KITLG: variants seen among roughly 807,000 people sequenced by gnomAD.
The protein encoded by KITLG is c-Kit ligand.
KITLG carries 13 observed loss-of-function variants against 34.1 expected under a neutral mutation model. That is an observed-to-expected ratio of 0.38 (90% CI 0.25 to 0.61). KITLG has a LOEUF of 0.61. Ranked by LOEUF, KITLG falls within the 20% of genes least tolerant of loss-of-function variation. The probability of loss-of-function intolerance (pLI) is 0.60; values close to 1 mark genes in which losing one functional copy is unlikely to be tolerated. For synonymous variants in KITLG, 110 were observed against 104.0 expected, an observed-to-expected ratio of 1.06 and a Z score of -0.35; for missense variants, 292 against 318.9, an observed-to-expected ratio of 0.92 and a Z score of 0.64.
chr12:88,518,799 C>G lies in KITLG; in HGVS notation c.261G>C (p.Lys87Asn). ...TCAAGCCTTCAGAAATATTTGAAAA[C>G]TTGTCCAGAAGATCAGTCAAGCTGT... ...LSDSLTDLLD[K>N]FSNISEGLSN... Residue 87 changes from lysine to asparagine, a missense_variant, in exon 4 of 10, where the codon AAG (lysine) becomes AAC (asparagine). Lys to Asn is a moderately conservative substitution (Grantham distance 94). Around this residue, in one of 2 missense-constraint regions of KITLG, gnomAD observed 152 missense variants for 207.9 expected, o/e 0.73. Transcript: ENST00000644744. 6.2e-7 allele frequency: 1 copy of G among 1,613,570 alleles called. No homozygotes were observed. The highest frequency in any genetic ancestry group is 8.5e-7 in the Non-Finnish European group (1 of 1,179,642).
chr12:88,542,474 C>G (rs1870551670), intron 2 of KITLG, among the ~76,000 whole-genome samples: 1 of 152,096 alleles, frequency 6.6e-6, no homozygotes, highest in Non-Finnish European at 1.5e-5. Context: ...ACCTAGTATT[C>G]CCGACTTCCT....
chr12:88,568,010 T>C (rs901564574), intron 1 of KITLG, among the ~76,000 whole-genome samples: 2 of 152,136 alleles, frequency 1.3e-5, no homozygotes, highest in African/African-American at 4.8e-5. Flanking sequence ...ACTTGGAAAA[T>C]TTATATTTTT....
intron 2 of KITLG, chr12:88,534,761 A>C: frequency 2.1e-6 from 1 of 470,256 alleles, no homozygotes; most frequent in Non-Finnish European, 4.2e-6. Flanking sequence ...CTTTACACTT[A>C]ACTTTCTTCC....
rs181944573 is a variant in KITLG, at chr12:88,567,688, T to C, written c.15+12576A>G. Reference sequence around the variant, plus strand: ...ATAAAAACAACAAACGAACAACCTTTGAATGCAAAACTGCATTTTATTTGA... The same window carrying C: ...ATAAAAACAACAAACGAACAACCTTCGAATGCAAAACTGCATTTTATTTGA... On this transcript the variant is annotated intron_variant, in intron 1 of 9. Coordinates refer to ENST00000644744, the MANE Select transcript of KITLG (RefSeq NM_000899.5). Among the ~76,000 whole-genome samples, 515 of 152,344 alleles carry C rather than the reference T, an allele frequency of 3.4e-3. 4 individuals carry two copies. Among genetic ancestry groups the C allele is most frequent in the African/African-American group, 0.012 (497 of 41,582 alleles).
At chr12:88,574,951 G>A (rs1871782379) in intron 1 of KITLG, among the ~76,000 whole-genome samples, 1 of 152,128 alleles carries the variant, frequency 6.6e-6, no homozygotes, top group African/African-American at 2.4e-5. Context: ...CATAAAAGTA[G>A]AACAGTCTAA....
chr12:88,545,924 A>T, intron 1 of KITLG, 59 bp from the exon 2 acceptor site: 1 of 977,158 alleles, frequency 1.0e-6, no homozygotes, highest in South Asian at 1.3e-5. Context: ...AATCATTCAA[A>T]CTTTTAACAT....
chr12:88,536,775 G>C (rs1592572906), intron 2 of KITLG, among the ~76,000 whole-genome samples: 1 of 152,102 alleles, frequency 6.6e-6, no homozygotes, highest in Admixed American at 6.6e-5. Context: ...ATAAGTGGGA[G>C]TTGAACAATG....
At chr12:88,512,574 A>T (rs967748963) in intron 6 of KITLG, among the ~76,000 whole-genome samples, 2 of 152,008 alleles carry the variant, frequency 1.3e-5, no homozygotes, top group South Asian at 4.1e-4. Flanking sequence ...AATACAAAGA[A>T]AACCACTCAT....
At chr12:88,511,857 A>G (rs1869288980) in intron 6 of KITLG, among the ~76,000 whole-genome samples, 1 of 152,186 alleles carries the variant, frequency 6.6e-6, no homozygotes, top group South Asian at 2.1e-4. Context: ...TACCCAAGAA[A>G]GTTTAAAAAC....
intron 3 of KITLG, among the ~76,000 whole-genome samples, chr12:88,526,982 T>C (rs4842629): frequency 0.085 from 12,803 of 151,110 alleles, 573 homozygotes; most frequent in Non-Finnish European, 0.1. Context: ...CATTCTCCTG[T>C]CTCAGCCTCC....
intron 3 of KITLG, 109 bp downstream of exon 3, chr12:88,532,332 C>T: frequency 1.2e-6 from 1 of 844,722 alleles, no homozygotes; most frequent in Non-Finnish European, 1.9e-6. Context: ...TCTTCAAATC[C>T]TGACAATAAG....
intron 5 of KITLG, 146 bp from the exon 6 acceptor site, chr12:88,515,763 G>A (rs957533434): frequency 1.5e-6 from 1 of 667,908 alleles, no homozygotes. Flanking sequence ...TTCATACTGG[G>A]TCCTGCTATT....
At position 88,495,973 on chromosome 12, in the gene KITLG, TC is replaced by T. The variant is rs1335941401; in HGVS notation, c.*1245del. 1 of 152,186 alleles carries T rather than the reference TC, an allele frequency of 6.6e-6. No individual in the cohort carries two copies. The allele number at this position is 152,186 out of a possible 1,614,324, so 9.4% of individuals were successfully genotyped here. On this transcript the variant is annotated 3_prime_UTR_variant, in exon 10 of 10. Transcript: ENST00000644744. The stretch of plus-strand genomic sequence containing the variant: ...AAAGCACAATGTCCATCTTGGGAAT[TC>T]CTGCCAAATTCACTCTTAATATGAC...
intron 1 of KITLG, among the ~76,000 whole-genome samples, chr12:88,556,675 G>A (rs1228293032): frequency 6.6e-6 from 1 of 152,160 alleles, no homozygotes; most frequent in African/African-American, 2.4e-5. Context: ...GAAGAGAAGA[G>A]GCAGCAGGAG....
chr12:88,525,361 T>A (rs1268006000), intron 3 of KITLG, among the ~76,000 whole-genome samples: 1 of 152,198 alleles, frequency 6.6e-6, no homozygotes, highest in East Asian at 1.9e-4. Context: ...ACTAATAAGA[T>A]GGGCTCCTTC....
chr12:88,499,092 C>T (rs1019309267), intron 9 of KITLG, among the ~76,000 whole-genome samples: 1 of 151,984 alleles, frequency 6.6e-6, no homozygotes, highest in South Asian at 2.1e-4. Context: ...TATCACTAAC[C>T]CTCATTACAC....
At chr12:88,544,652 A>G (rs1434297366) in intron 2 of KITLG, among the ~76,000 whole-genome samples, 3 of 152,106 alleles carry the variant, frequency 2.0e-5, no homozygotes, top group African/African-American at 7.2e-5. Flanking sequence ...GCTGCATGGA[A>G]GAATGCTTTT....
At chr12:88,498,340 A>C (rs1156426325) in intron 9 of KITLG, among the ~76,000 whole-genome samples, 1 of 152,152 alleles carries the variant, frequency 6.6e-6, no homozygotes, top group Non-Finnish European at 1.5e-5. Context: ...TAATATATTA[A>C]AAACTGTCTT....
At chr12:88,519,941 C>G (rs904031242) in intron 3 of KITLG, among the ~76,000 whole-genome samples, 2 of 152,060 alleles carry the variant, frequency 1.3e-5, no homozygotes, top group South Asian at 4.2e-4. Flanking sequence ...TTTATTTATT[C>G]TAAAGTATAG....
Sources: gnomAD v4.1 joint callset for allele counts (sites outside exome capture counted in the v4.1 genomes callset) on GRCh38, gnomAD v4.1.1 for gene constraint, gnomAD v4.1.1 regional missense constraint, MANE v1.5 for transcripts, NCBI Gene and HGNC (gene_info 2026-07-23, HGNC 2026-07-21) for gene names.